Variants in SCARA5 observed in about 807,000 individuals in gnomAD.
SCARA5 encodes the protein scavenger receptor class A, member 5 (putative).
Under a neutral mutation model 46.3 loss-of-function variants are expected in SCARA5, and 45 were observed. That is an observed-to-expected ratio of 0.97 (90% CI 0.76 to 1.24). SCARA5 has a LOEUF of 1.24. Ranked by LOEUF, SCARA5 falls within the 50% of genes most tolerant of loss-of-function variation. The probability of loss-of-function intolerance (pLI) is 0.00; values close to 1 mark genes in which losing one functional copy is unlikely to be tolerated. For synonymous variants in SCARA5, 333 were observed against 306.5 expected (o/e 1.09, Z -0.90); for missense variants, 680 against 689.0 (o/e 0.99, Z 0.15).
At chr8:27,901,155 G>C (rs956381704) in intron 7 of SCARA5, among the ~76,000 whole-genome samples, 3 of 152,190 alleles carry the variant, frequency 2.0e-5, no homozygotes, top group Non-Finnish European at 4.4e-5. Context: ...GAAGCCTTCT[G>C]TGGCATGCCC....
intron 5 of SCARA5, among the ~76,000 whole-genome samples, chr8:27,907,822 G>A (rs1013516237): frequency 2.6e-5 from 4 of 152,082 alleles, no homozygotes; most frequent in Non-Finnish European, 4.4e-5. Flanking sequence ...TGCCTGCCTC[G>A]GCTTCCCAAA....
chr8:27,909,240 G>A (rs559918585), intron 5 of SCARA5, among the ~76,000 whole-genome samples: 15 of 152,278 alleles, frequency 9.9e-5, no homozygotes, highest in African/African-American at 3.6e-4. Context: ...TGACCCATTC[G>A]TAGACCTGGG....
intron 2 of SCARA5, among the ~76,000 whole-genome samples, chr8:27,968,393 G>T (rs563688620): frequency 6.6e-6 from 1 of 152,098 alleles, no homozygotes; most frequent in African/African-American, 2.4e-5. Context: ...CTGATTTTCC[G>T]CTAAGACAAA....
chr8:27,942,210 T>C (rs1004295191), intron 3 of SCARA5, among the ~76,000 whole-genome samples: 1 of 152,154 alleles, frequency 6.6e-6, no homozygotes, highest in Non-Finnish European at 1.5e-5. Flanking sequence ...GCCTCGAGAC[T>C]GAGTCTTGCA....
chr8:27,929,514 T>A (rs4236675), intron 3 of SCARA5, among the ~76,000 whole-genome samples: 81,334 of 152,014 alleles, frequency 0.54, 23,011 homozygotes, highest in Middle Eastern at 0.71. Context: ...GAATTCTGCA[T>A]CCATTGCCTC....
intron 7 of SCARA5, among the ~76,000 whole-genome samples, chr8:27,893,062 C>T (rs757076256): frequency 6.6e-6 from 1 of 152,132 alleles, no homozygotes; most frequent in Non-Finnish European, 1.5e-5. Flanking sequence ...CCAAGGGTCC[C>T]CATGCTTGGG....
intron 4 of SCARA5, among the ~76,000 whole-genome samples, chr8:27,912,849 T>C (rs148717732): frequency 4.4e-4 from 67 of 152,310 alleles, no homozygotes; most frequent in African/African-American, 1.6e-3. Context: ...CTCTGGGTGG[T>C]AGACATCATC....
chr8:27,873,485 C>T (rs886670763), intron 8 of SCARA5, among the ~76,000 whole-genome samples: 1 of 152,122 alleles, frequency 6.6e-6, no homozygotes, highest in African/African-American at 2.4e-5. Flanking sequence ...TAACTGATGA[C>T]ATTACCTTGT....
Position 27,921,830 on chromosome 8 carries a change from C to A in SCARA5, c.657G>T (p.Glu219Asp). 1 of 1,544,992 alleles carries A rather than the reference C, an allele frequency of 6.5e-7. No individual in the cohort carries two copies. The highest frequency in any genetic ancestry group is 8.7e-7 in the Non-Finnish European group (1 of 1,151,440). Reference sequence around the variant, plus strand: ...GCAGCACGCCGCCCACGTCGGCCAGCTCCTCGCCCAGGATGCCCACCCTGC... The same window carrying A: ...GCAGCACGCCGCCCACGTCGGCCAGATCCTCGCCCAGGATGCCCACCCTGC... ...LARRVGILGE[E>D]LADVGGVLRG... The change falls in exon 4 of 9, where the codon GAG becomes GAT. Residue 219 changes from glutamate to aspartate, a missense_variant. Physicochemically the swap from Glu to Asp is conservative, Grantham distance 45 (BLOSUM62 2). This residue lies in a region of SCARA5 where 438 missense variants were observed against 384.5 expected (regional missense o/e 1.14). Transcript: ENST00000354914.
At chr8:27,991,493 A>T (rs569730137) in intron 1 of SCARA5, among the ~76,000 whole-genome samples, 1 of 152,154 alleles carries the variant, frequency 6.6e-6, no homozygotes, top group South Asian at 2.1e-4. Flanking sequence ...TGGCTCTTCA[A>T]TCCTTCTCTG....
chr8:27,911,332 T>C (rs1360056933), intron 4 of SCARA5, among the ~76,000 whole-genome samples: 8 of 152,198 alleles, frequency 5.3e-5, no homozygotes, highest in African/African-American at 1.9e-4. Flanking sequence ...ATACCCTTTA[T>C]ATCCCTATAC....
At chr8:27,899,510 C>T (rs978212254) in intron 7 of SCARA5, among the ~76,000 whole-genome samples, 5 of 152,204 alleles carry the variant, frequency 3.3e-5, no homozygotes, top group Admixed American at 1.3e-4. Context: ...GGATTTGGAA[C>T]GTGGCCTTTC....
At chr8:27,944,274 T>G (rs566399388) in intron 3 of SCARA5, among the ~76,000 whole-genome samples, 1 of 152,342 alleles carries the variant, frequency 6.6e-6, no homozygotes, top group Non-Finnish European at 1.5e-5. Flanking sequence ...AAATTAAATA[T>G]GGATATACTG....
In SCARA5 at chr8:27,896,478, T is replaced by TGG. The variant is rs200347979; in HGVS notation, c.1153+8298_1153+8299dup. Among the ~76,000 whole-genome samples the TGG allele has an allele frequency of 9.9e-3, 1,500 of 152,242 alleles. 15 individuals are homozygous for TGG. The highest frequency in any genetic ancestry group is 0.034 in the African/African-American group (1,420 of 41,522). ...TTACCCCTCTCTAACTCTAGGACCT[T>TGG]GGGTGAGGAGTGTAAACTCTCAGCA... On this transcript the variant is annotated intron_variant, in intron 7 of 8. Coordinates refer to ENST00000354914, the MANE Select transcript of SCARA5 (RefSeq NM_173833.6).
chr8:27,957,716 A>C, intron 3 of SCARA5, among the ~76,000 whole-genome samples: 1 of 152,358 alleles, frequency 6.6e-6, no homozygotes, highest in Non-Finnish European at 1.5e-5. Context: ...TCTAAGTCTC[A>C]GTTTCCTCAT....
intron 7 of SCARA5, among the ~76,000 whole-genome samples, chr8:27,890,920 C>T (rs1004753752): frequency 3.3e-5 from 5 of 152,148 alleles, no homozygotes; most frequent in African/African-American, 1.2e-4. Flanking sequence ...CAGGTTGTCC[C>T]GGCAGGTGTG....
At chr8:27,941,478 A>G (rs554222815) in intron 3 of SCARA5, among the ~76,000 whole-genome samples, 39 of 152,336 alleles carry the variant, frequency 2.6e-4, no homozygotes, top group African/African-American at 8.7e-4. Flanking sequence ...AATGAACTCT[A>G]ATTGAGCACT....
rs1443203723 is a variant in SCARA5 at position 27,921,816 on chromosome 8, C to G, written c.671G>C (p.Gly224Ala). 4 of 1,550,162 alleles carry G rather than the reference C, an allele frequency of 2.6e-6. No individual in the cohort carries two copies. Among genetic ancestry groups the G allele is most frequent in the Non-Finnish European group, 2.6e-6 (3 of 1,153,630 alleles). Residue 224 changes from glycine to alanine, a missense_variant, in exon 4 of 9, where the codon GGC (glycine) becomes GCC (alanine). Transcript: ENST00000354914. ...GTGGTTGAGGCCGCGCAGCACGCCG[C>G]CCACGTCGGCCAGCTCCTCGCCCAG... The part of the protein sequence containing the change: ...GILGEELADV[G>A]GVLRGLNHSL...
intron 3 of SCARA5, among the ~76,000 whole-genome samples, chr8:27,947,115 G>C (rs775760643): frequency 4.6e-5 from 7 of 151,586 alleles, no homozygotes; most frequent in Non-Finnish European, 5.9e-5. Context: ...AAGTTCAAGT[G>C]ATTCTCCTAC....
Sources: gnomAD v4.1 joint callset for allele counts (sites outside exome capture counted in the v4.1 genomes callset) on GRCh38, gnomAD v4.1.1 for gene constraint, gnomAD v4.1.1 regional missense constraint, MANE v1.5 for transcripts, NCBI Gene and HGNC (gene_info 2026-07-23, HGNC 2026-07-21) for gene names.